PDE4D: variants seen among roughly 807,000 people sequenced by gnomAD.
PDE4D encodes 3',5'-cyclic-AMP phosphodiesterase 4D.
A neutral mutation model predicts 87.4 loss-of-function variants in PDE4D; 24 were observed. The ratio of observed to expected loss-of-function variants is 0.27; its 90% CI spans 0.20 to 0.39. The LOEUF is 0.39. Ranked by LOEUF, PDE4D falls within the 10% of genes least tolerant of loss-of-function variation. The pLI is 1.00. For missense variants in PDE4D, 714 were observed against 1,041.0 expected (o/e 0.69, Z 4.32); for synonymous variants, 384 against 383.2 (o/e 1.00, Z -0.02).
chr5:60,288,173 TC>T (rs774654718), intron 1 of PDE4D, among the ~76,000 whole-genome samples: 8 of 152,218 alleles, frequency 5.3e-5, no homozygotes, highest in Non-Finnish European at 8.8e-5. Context: ...CAAGCATTTT[TC>T]CCCCTCAAAT....
At chr5:59,309,219 C>T (rs577317722) in intron 1 of PDE4D, among the ~76,000 whole-genome samples, 234 of 152,280 alleles carry the variant, frequency 1.5e-3, no homozygotes, top group African/African-American at 5.4e-3. Flanking sequence ...TCTACTCCAC[C>T]TGTGGAGTCT....
At chr5:59,390,621 G>A (rs1375744755) in intron 1 of PDE4D, among the ~76,000 whole-genome samples, 1 of 152,098 alleles carries the variant, frequency 6.6e-6, no homozygotes, top group African/African-American at 2.4e-5. Flanking sequence ...AAAAATGATT[G>A]TTATAGACAT....
chr5:59,893,875 C>T, upstream of PDE4D: 1 of 1,234,380 alleles, frequency 8.1e-7, no homozygotes, highest in Admixed American at 4.3e-5. Context: ...CCCGGGCTCC[C>T]CAAGTCACCA....
intron 1 of PDE4D, among the ~76,000 whole-genome samples, chr5:59,566,012 T>C (rs1820821503): frequency 6.6e-6 from 1 of 152,232 alleles, no homozygotes; most frequent in Non-Finnish European, 1.5e-5. Context: ...AAATTTTATA[T>C]ATAAATACAA....
intron 1 of PDE4D, among the ~76,000 whole-genome samples, chr5:59,890,428 C>T (rs1162256537): frequency 3.3e-5 from 5 of 152,182 alleles, no homozygotes; most frequent in Admixed American, 2.6e-4. Flanking sequence ...TGATTTGCCT[C>T]TGTTGTGATC....
rs902691854 is a variant in PDE4D, at chr5:58,972,986, T to C, written c.*1678A>G. The C allele has an allele frequency of 3.9e-5, 6 of 152,158 alleles. No homozygotes were observed. Among genetic ancestry groups the C allele is most frequent in the African/African-American group, 1.2e-4 (5 of 41,394 alleles). 9.4% of individuals were successfully genotyped at this position (152,158 alleles called of 1,614,324 possible). A position where few individuals can be genotyped will look rare whatever the true frequency, so the allele number is the denominator to read the frequency against. On this transcript the variant is annotated 3_prime_UTR_variant, in exon 15 of 15. Coordinates refer to ENST00000340635, the MANE Select transcript of PDE4D (RefSeq NM_001104631.2). Reference sequence around the variant, plus strand: ...AGAAGTAGTTCCCCTCTGCAAGATATGCTTATGGATCGAGGATAAGTGATA... The same window carrying C: ...AGAAGTAGTTCCCCTCTGCAAGATACGCTTATGGATCGAGGATAAGTGATA...
chr5:60,230,458 C>T, intron 1 of PDE4D, among the ~76,000 whole-genome samples: 1 of 152,070 alleles, frequency 6.6e-6, no homozygotes, highest in East Asian at 1.9e-4. Flanking sequence ...CCTTGCAAAC[C>T]ACCCATATCC....
At chr5:60,474,104 C>CTATATATATA (rs1561295532) in intron 1 of PDE4D, among the ~76,000 whole-genome samples, 6 of 21,202 alleles carry the variant, frequency 2.8e-4, no homozygotes, top group Admixed American at 1.6e-3. Flanking sequence ...CTTTGAGCTG[C>CTATATATATA]CATATATATA....
chr5:59,522,270 G>C (rs918133130), intron 1 of PDE4D, among the ~76,000 whole-genome samples: 2 of 152,148 alleles, frequency 1.3e-5, no homozygotes, highest in Admixed American at 6.5e-5. Context: ...AAATTTAAGA[G>C]GGTGTTTATT....
At chr5:59,869,179 T>C (rs1747462452) in intron 1 of PDE4D, among the ~76,000 whole-genome samples, 1 of 152,142 alleles carries the variant, frequency 6.6e-6, no homozygotes, top group African/African-American at 2.4e-5. Context: ...ATGGATGAAA[T>C]AAAACTACAG....
chr5:59,635,894 G>A (rs1484567521), intron 1 of PDE4D, among the ~76,000 whole-genome samples: 1 of 152,136 alleles, frequency 6.6e-6, no homozygotes. Context: ...GGGCAATCAG[G>A]CAAGAGAAAG....
At chr5:60,018,397 A>G (rs903573338) in intron 2 of PDE4D, among the ~76,000 whole-genome samples, 6 of 152,224 alleles carry the variant, frequency 3.9e-5, no homozygotes, top group Non-Finnish European at 1.5e-5. Context: ...ACCAAAATAT[A>G]AAGACCAAGG....
At chr5:60,130,175 C>T (rs979344019) in intron 2 of PDE4D, among the ~76,000 whole-genome samples, 1 of 152,170 alleles carries the variant, frequency 6.6e-6, no homozygotes, top group Non-Finnish European at 1.5e-5. Context: ...AAATAAATTT[C>T]TGATACTTAT....
At chr5:59,338,449 C>T (rs1434546857) in intron 1 of PDE4D, among the ~76,000 whole-genome samples, 1 of 152,212 alleles carries the variant, frequency 6.6e-6, no homozygotes, top group East Asian at 1.9e-4. Flanking sequence ...GACTCAGCAT[C>T]TCATATTCTT....
chr5:59,317,524 A>C (rs1000291493), intron 1 of PDE4D, among the ~76,000 whole-genome samples: 3 of 152,122 alleles, frequency 2.0e-5, no homozygotes, highest in African/African-American at 7.2e-5. Flanking sequence ...CCCAAATTAC[A>C]GGCATAATAA....
At chr5:59,165,064 G>A (rs1361319638) in intron 5 of PDE4D, 1 of 152,012 alleles carries the variant, frequency 6.6e-6, no homozygotes, top group Non-Finnish European at 1.5e-5. Context: ...AAAAAAATGA[G>A]TATCATAAAA....
chr5:59,743,622 GA>G (rs1321596497), intron 1 of PDE4D, among the ~76,000 whole-genome samples: 3 of 151,984 alleles, frequency 2.0e-5, no homozygotes, highest in African/African-American at 7.2e-5. Flanking sequence ...AAAACAGTAT[GA>G]AAAAATATAT....
At chr5:59,888,007 T>C (rs1424666109) in intron 1 of PDE4D, among the ~76,000 whole-genome samples, 1 of 152,212 alleles carries the variant, frequency 6.6e-6, no homozygotes. Flanking sequence ...AGTAAACTAG[T>C]TGTGTTAAGT....
At chr5:59,498,707 GTTCAA>G (rs764888453) in intron 1 of PDE4D, among the ~76,000 whole-genome samples, 8 of 151,932 alleles carry the variant, frequency 5.3e-5, no homozygotes, top group African/African-American at 1.7e-4. Context: ...ATGATAAAGT[GTTCAA>G]TTCAATAAGA....
Sources: allele counts gnomAD v4.1 joint callset (sites outside exome capture counted in the v4.1 genomes callset), GRCh38; gene constraint gnomAD v4.1.1; transcripts MANE v1.5; gene names NCBI Gene and HGNC (gene_info 2026-07-23, HGNC 2026-07-21).